Variants in NCAN observed in about 807,000 individuals in gnomAD.
NCAN encodes neurocan core protein.
In NCAN, 47 loss-of-function variants were observed where a neutral mutation model predicts 121.8. The observed-to-expected ratio is 0.39, with a 90% confidence interval of 0.31 to 0.49. The LOEUF (loss-of-function observed/expected upper bound fraction) is 0.49. NCAN is among the 20% of genes least tolerant of loss of function. The pLI is 0.92. For synonymous variants in NCAN, 633 were observed against 702.0 expected, an observed-to-expected ratio of 0.90 and a Z score of 1.55; for missense variants, 1,517 against 1,773.4, an observed-to-expected ratio of 0.86 and a Z score of 2.60.
At chr19:19,218,037 G>T (rs746912222) in intron 2 of NCAN, among the ~76,000 whole-genome samples, 6 of 151,722 alleles carry the variant, frequency 4.0e-5, no homozygotes, top group Non-Finnish European at 7.4e-5. Context: ...CCAGAACTGT[G>T]GGAGGCCAAG....
In NCAN at chr19:19,250,442, C is replaced by T; in HGVS notation, c.*531C>T. On this transcript the variant is annotated 3_prime_UTR_variant, in exon 15 of 15. Transcript: ENST00000252575. The stretch of plus-strand genomic sequence containing the variant: ...TCTCCCTTTACCCTGGACTTCAGCC[C>T]AAGTTCCGTCTTTGGTCTTGGTGGA... The T allele has an allele frequency of 3.3e-6, 1 of 302,436 alleles. No homozygotes were observed. The highest frequency in any genetic ancestry group is 4.5e-5 in the Admixed American group (1 of 22,058). 18.7% of individuals were successfully genotyped at this position (302,436 alleles called of 1,614,324 possible).
At chr19:19,238,223 C>T (rs748386628) in intron 10 of NCAN, 30 bp from the exon 11 acceptor site, 8 of 1,613,286 alleles carry the variant, frequency 5.0e-6, no homozygotes, top group East Asian at 2.2e-5. Flanking sequence ...CAAGGCCAGC[C>T]CCCCCTCACG....
intron 11 of NCAN, among the ~76,000 whole-genome samples, chr19:19,240,131 C>T (rs1242143334): frequency 1.4e-5 from 2 of 143,822 alleles, no homozygotes; most frequent in African/African-American, 2.6e-5. Context: ...CTTCTTCCCA[C>T]TCCTGCCCCT....
chr19:19,235,193 C>A (rs1264002509), intron 10 of NCAN, 97 bp downstream of exon 10: 4 of 670,212 alleles, frequency 6.0e-6, no homozygotes, highest in Non-Finnish European at 1.1e-5. Flanking sequence ...GCCTCCAGTT[C>A]CATGGCTGTG....
rs1064389 is a variant in NCAN, at chr19:19,248,823, C to T, written c.3761C>T (p.Ala1254Val). ...GAAGGATTTGCCCAGCACCATGTGG[C>T]CACCATTCGATGCCGGAGCAATGGC... is the stretch of plus-strand genomic sequence containing the variant. ...CNEGFAQHHVATIRCRSNGKW... is the reference protein window; with the variant it reads ...CNEGFAQHHVVTIRCRSNGKW... The change falls in exon 14 of 15, where the codon GCC (alanine) becomes GTC (valine). Residue 1254 changes from alanine to valine, a missense_variant. By Grantham distance (64) the Ala-to-Val change is moderately conservative. Coordinates refer to ENST00000252575, the MANE Select transcript of NCAN (RefSeq NM_004386.3). The T allele has an allele frequency of 1.2e-6, 2 of 1,614,202 alleles. No homozygotes were observed. The highest frequency in any genetic ancestry group is 4.5e-5 in the East Asian group (2 of 44,876).
At chr19:19,239,548 A>C (rs1169621897) in intron 11 of NCAN, among the ~76,000 whole-genome samples, 215 of 40,370 alleles carry the variant, frequency 5.3e-3, no homozygotes, top group Admixed American at 6.9e-3. Context: ...CTCATCTTCC[A>C]CCTCCTTTCT....
At chr19:19,232,025 G>A (rs1378389715) in intron 8 of NCAN, among the ~76,000 whole-genome samples, 2 of 151,934 alleles carry the variant, frequency 1.3e-5, no homozygotes, top group Non-Finnish European at 1.5e-5. Flanking sequence ...GAGAAGAGAC[G>A]GGCTAGGTGG....
intron 11 of NCAN, chr19:19,238,724 T>C (rs867486112): frequency 1.4e-5 from 6 of 424,020 alleles, no homozygotes; most frequent in Middle Eastern, 7.4e-4. Context: ...CCCCAGGGAG[T>C]GACCATTTCT....
At chr19:19,244,737 T>C (rs1293970257) in intron 12 of NCAN, among the ~76,000 whole-genome samples, 1 of 150,510 alleles carries the variant, frequency 6.6e-6, no homozygotes, top group Non-Finnish European at 1.5e-5. Context: ...CCTTTTTTTT[T>C]TTTTTTTTGA....
intron 11 of NCAN, among the ~76,000 whole-genome samples, chr19:19,240,318 A>G (rs959975982): frequency 2.6e-5 from 4 of 151,280 alleles, no homozygotes; most frequent in African/African-American, 9.7e-5. Context: ...GCCCACCTCC[A>G]GGCTGGGGAA....
chr19:19,224,471 C>T (rs781577703), intron 5 of NCAN, 38 bp downstream of exon 5: 3 of 1,600,408 alleles, frequency 1.9e-6, no homozygotes, highest in East Asian at 4.5e-5. Flanking sequence ...CCCTCCGCCT[C>T]TCTTTGAGTA....
In NCAN at chr19:19,233,919, A is replaced by G. The variant is rs1246267668; in HGVS notation, c.3136+14A>G. 2 of 1,511,826 alleles carry G rather than the reference A, an allele frequency of 1.3e-6. No individual in the cohort carries two copies. The highest frequency in any genetic ancestry group is 1.4e-5 in the African/African-American group (1 of 72,868). 93.7% of individuals were successfully genotyped at this position (1,511,826 alleles called of 1,614,324 possible). A position where few individuals can be genotyped will look rare whatever the true frequency, so the allele number is the denominator to read the frequency against. On this transcript the variant is annotated intron_variant, in intron 9 of 14. Coordinates refer to ENST00000252575, the MANE Select transcript of NCAN (RefSeq NM_004386.3). Reference sequence around the variant, plus strand: ...ACTGTGAGATTGGTGAGTACCCCAGACTCAGGATCTGAATCTGAATTTGTT... The same window carrying G: ...ACTGTGAGATTGGTGAGTACCCCAGGCTCAGGATCTGAATCTGAATTTGTT...
intron 11 of NCAN, among the ~76,000 whole-genome samples, chr19:19,239,138 T>C (rs756030623): frequency 3.9e-5 from 6 of 152,084 alleles, no homozygotes; most frequent in Non-Finnish European, 8.8e-5. Context: ...TCCTGTCCCC[T>C]ACTTCTCATT....
rs201860153 is a variant in NCAN, at chr19:19,245,463, C to G, written c.3637+6C>G. 1.9e-4 allele frequency: 302 copies of G among 1,611,128 alleles called. 2 individuals are homozygous for G. The Middle Eastern group carries it at 5.6e-3, about 30-fold the overall frequency. ...TGTCTGCAAGAAGGGCACAGGTATGCTGTGCCCCCTGCTTCTTTTCCTCTC... is the reference window on the plus strand; with the variant it reads ...TGTCTGCAAGAAGGGCACAGGTATGGTGTGCCCCCTGCTTCTTTTCCTCTC... On this transcript the variant is annotated splice_donor_region_variant and intron_variant, in intron 13 of 14. Transcript: ENST00000252575.
intron 11 of NCAN, among the ~76,000 whole-genome samples, chr19:19,239,653 T>G: frequency 1.3e-5 from 1 of 79,176 alleles, no homozygotes; most frequent in Non-Finnish European, 2.3e-5. Context: ...CTCCTTCCAC[T>G]CATCTTCTTC....
In NCAN at chr19:19,228,249, G is replaced by A. The variant is rs1330190359; in HGVS notation, c.2629G>A (p.Glu877Lys). Reference sequence around the variant, plus strand: ...CATTGTGACGCCCCTCACGACCCTGGAGCAGGGGGACAAGGTTGGAGTTCC... The same window carrying A: ...CATTGTGACGCCCCTCACGACCCTGAAGCAGGGGGACAAGGTTGGAGTTCC... ...TSIVTPLTTLEQGDKVGVPAM... is the reference protein window; with the variant it reads ...TSIVTPLTTLKQGDKVGVPAM... Residue 877 changes from glutamate (E) to lysine (K), a missense_variant, in exon 8 of 15, where the codon GAG becomes AAG. Glu to Lys is a moderately conservative substitution (Grantham distance 56). Transcript: ENST00000252575. 6.2e-7 allele frequency: 1 copy of A among 1,613,926 alleles called. No individual in the cohort carries two copies. The highest frequency in any genetic ancestry group is 1.1e-5 in the South Asian group (1 of 91,080).
chr19:19,238,024 C>T (rs967474774), intron 10 of NCAN, among the ~76,000 whole-genome samples: 17 of 151,582 alleles, frequency 1.1e-4, no homozygotes, highest in Admixed American at 7.9e-4. Flanking sequence ...GCCTGGGCGA[C>T]GGAGTGAGAC....
rs1267579751 is a variant in NCAN, at chr19:19,252,003, T to A, written c.*2092T>A. The A allele has an allele frequency of 6.6e-6, 1 of 152,530 alleles. No homozygotes were observed. Among genetic ancestry groups the A allele is most frequent in the African/African-American group, 2.4e-5 (1 of 41,408 alleles). The allele number at this position is 152,530 out of a possible 1,614,324, so 9.4% of individuals were successfully genotyped here. ...CCTCGGCTCCATGGTGGGAGGGGGC[T>A]CTGGTCTTTTCTAAAGTGGGCGGTT... On this transcript the variant is annotated 3_prime_UTR_variant, in exon 15 of 15. Transcript: ENST00000252575.
At chr19:19,241,907 C>G (rs1374538413) in intron 12 of NCAN, among the ~76,000 whole-genome samples, 2 of 151,910 alleles carry the variant, frequency 1.3e-5, no homozygotes, top group African/African-American at 2.4e-5. Flanking sequence ...TAAATTTATA[C>G]ACAGAGGCCG....
Sources: allele counts gnomAD v4.1 joint callset (sites outside exome capture counted in the v4.1 genomes callset), GRCh38; gene constraint gnomAD v4.1.1; transcripts MANE v1.5; gene names NCBI Gene and HGNC (gene_info 2026-07-23, HGNC 2026-07-21).